CDK2AP1: variants seen among roughly 807,000 people sequenced by gnomAD.
CDK2AP1 encodes the protein cyclin-dependent kinase 2-associated protein 1.
In CDK2AP1, 10 loss-of-function variants were observed where a neutral mutation model predicts 14.1. That is an observed-to-expected ratio of 0.71 (90% CI 0.44 to 1.20). The LOEUF is 1.20. Ranked by LOEUF, CDK2AP1 falls within the 50% of genes most tolerant of loss-of-function variation. The pLI is 0.00. For missense variants in CDK2AP1, 102 were observed against 149.9 expected (o/e 0.68, Z 1.67); for synonymous variants, 59 against 59.8 (o/e 0.99, Z 0.06).
intron 1 of CDK2AP1, chr12:123,270,300 C>T (rs1401059257): frequency 7.9e-6 from 3 of 380,282 alleles, no homozygotes; most frequent in South Asian, 1.1e-4. Flanking sequence ...TTCAACTCTC[C>T]CTCCGCACCC....
intron 3 of CDK2AP1, among the ~76,000 whole-genome samples, chr12:123,264,763 A>G (rs1428102672): frequency 6.6e-6 from 1 of 151,944 alleles, no homozygotes; most frequent in South Asian, 2.1e-4. Flanking sequence ...AGACCCACAC[A>G]CTTCCTTGGG....
intron 1 of CDK2AP1, among the ~76,000 whole-genome samples, chr12:123,268,517 C>T (rs780352661): frequency 2.0e-5 from 3 of 152,354 alleles, no homozygotes; most frequent in East Asian, 3.9e-4. Flanking sequence ...GAACGGGGAC[C>T]GTTCCGAGCT....
chr12:123,264,903 AC>A (rs890668819), intron 3 of CDK2AP1, among the ~76,000 whole-genome samples: 2 of 152,016 alleles, frequency 1.3e-5, no homozygotes, highest in African/African-American at 4.8e-5. Flanking sequence ...CACTTCGAAC[AC>A]ACCCTTGAAA....
chr12:123,262,051 G>GCAC, intron 3 of CDK2AP1: 1 of 397,270 alleles, frequency 2.5e-6, no homozygotes, highest in Non-Finnish European at 4.5e-6. Context: ...CATTCAAGGT[G>GCAC]CACCAGCAAG....
chr12:123,266,822 G>C (rs908969943), intron 2 of CDK2AP1, among the ~76,000 whole-genome samples: 2 of 152,240 alleles, frequency 1.3e-5, no homozygotes, highest in Non-Finnish European at 2.9e-5. Flanking sequence ...AGTGGGAACT[G>C]ACCCTATCTT....
chr12:123,266,256 C>A (rs549178190), intron 2 of CDK2AP1, among the ~76,000 whole-genome samples: 1 of 152,246 alleles, frequency 6.6e-6, no homozygotes, highest in African/African-American at 2.4e-5. Context: ...CCAGGCCTCA[C>A]GGGCCTCCCG....
rs1433223782 is a variant in CDK2AP1 at position 123,265,673 on chromosome 12, T to G, written c.154-351A>C. The stretch of plus-strand genomic sequence containing the variant: ...CCCATTCTAGGGGACAACTACAAGT[T>G]AGGGAGATGGTCCTCACCCTCCTAT... On this transcript the variant is annotated intron_variant, in intron 2 of 3. Transcript: ENST00000261692. This position sits in a 1 kb window ranked among gnomAD's most constrained non-coding sequence, Gnocchi z 5.3. Among the ~76,000 whole-genome samples the G allele has an allele frequency of 6.6e-6, 1 of 151,962 alleles. No individual in the cohort carries two copies. Among genetic ancestry groups the G allele is most frequent in the Non-Finnish European group, 1.5e-5 (1 of 67,964 alleles).
chr12:123,266,325 C>T (rs1284649712), intron 2 of CDK2AP1, among the ~76,000 whole-genome samples: 1 of 152,266 alleles, frequency 6.6e-6, no homozygotes, highest in Non-Finnish European at 1.5e-5. Context: ...CCCGGCTGCC[C>T]CTCTGCCTGG....
chr12:123,268,556 T>A (rs1018955991), intron 1 of CDK2AP1, among the ~76,000 whole-genome samples: 1 of 152,244 alleles, frequency 6.6e-6, no homozygotes, highest in African/African-American at 2.4e-5. Context: ...CAGCCCTGGA[T>A]GCTGCCACTG....
chr12:123,271,710 C>T lies in CDK2AP1; in HGVS notation c.-92G>A, dbSNP rs2048355222. 5.4e-6 allele frequency: 2 copies of T among 373,372 alleles called. No individual in the cohort carries two copies. Among genetic ancestry groups the T allele is most frequent in the Non-Finnish European group, 7.3e-6 (2 of 273,806 alleles). The allele number at this position is 373,372 out of a possible 1,614,324, so 23.1% of individuals were successfully genotyped here. A position where few individuals can be genotyped will look rare whatever the true frequency, so the allele number is the denominator to read the frequency against. ...AGGCCGGGCGGTAGCGCTGCAGCCC[C>T]GCGCCCGTCCGAGCGCCCGCCGAGC... On this transcript the variant is annotated 5_prime_UTR_variant, in exon 1 of 4. Coordinates refer to ENST00000261692, the MANE Select transcript of CDK2AP1 (RefSeq NM_004642.4).
intron 1 of CDK2AP1, among the ~76,000 whole-genome samples, chr12:123,269,445 C>A (rs529530360): frequency 6.6e-6 from 1 of 152,340 alleles, no homozygotes; most frequent in East Asian, 1.9e-4. Flanking sequence ...GGAAGGGCTC[C>A]GAGTTCCACT....
intron 1 of CDK2AP1, chr12:123,270,960 C>T: frequency 1.0e-6 from 1 of 984,930 alleles, no homozygotes; most frequent in Non-Finnish European, 1.2e-6. Flanking sequence ...CCCGGGCCTC[C>T]GAGTACGCTG....
Position 123,264,408 on chromosome 12 carries a change from C to T in CDK2AP1, c.280+788G>A, listed in dbSNP as rs1192774089. On this transcript the variant is annotated intron_variant, in intron 3 of 3. Transcript: ENST00000261692. Reference sequence around the variant, plus strand: ...CCAGGAGGCGGAGGTTGCGGTGAGCCGAGATTGCACCACTGCACTCCAGCC... The same window carrying T: ...CCAGGAGGCGGAGGTTGCGGTGAGCTGAGATTGCACCACTGCACTCCAGCC... Among the ~76,000 whole-genome samples, 5 of 142,572 alleles carry T rather than the reference C, an allele frequency of 3.5e-5. No individual in the cohort carries two copies. The East Asian group carries it at 6.1e-4, about 17-fold the overall frequency. The allele number at this position is 142,572 out of a possible 152,430, so 93.5% of individuals were successfully genotyped here. A position where few individuals can be genotyped will look rare whatever the true frequency, so the allele number is the denominator to read the frequency against.
At chr12:123,267,157 C>T (rs370061674) in intron 2 of CDK2AP1, 28 bp downstream of exon 2, 18 of 1,312,920 alleles carry the variant, frequency 1.4e-5, no homozygotes, top group Middle Eastern at 1.8e-4. Flanking sequence ...CTGGCCCTCC[C>T]ACCATGCCAT....
Position 123,264,516 on chromosome 12 carries a change from G to C in CDK2AP1, c.280+680C>G, listed in dbSNP as rs575951426. On this transcript the variant is annotated intron_variant, in intron 3 of 3. Transcript: ENST00000261692. ...AGAGCCCCAAGTCTCCCCTCATCTTGAATGCGTTCATGGGCTATGGCTCTG... is the reference window on the plus strand; with the variant it reads ...AGAGCCCCAAGTCTCCCCTCATCTTCAATGCGTTCATGGGCTATGGCTCTG... Among the ~76,000 whole-genome samples the C allele has an allele frequency of 2.2e-5, 3 of 133,836 alleles. No individual in the cohort carries two copies. The South Asian group carries it at 7.6e-4, about 34-fold the overall frequency. The allele number at this position is 133,836 out of a possible 152,430, so 87.8% of individuals were successfully genotyped here.
At chr12:123,269,516 C>A (rs540106020) in intron 1 of CDK2AP1, among the ~76,000 whole-genome samples, 39 of 152,366 alleles carry the variant, frequency 2.6e-4, no homozygotes, top group African/African-American at 8.7e-4. Flanking sequence ...CAGCGAAGGC[C>A]GTCTCGGCGC....
At chr12:123,269,722 T>C (rs985642161) in intron 1 of CDK2AP1, among the ~76,000 whole-genome samples, 15 of 152,092 alleles carry the variant, frequency 9.9e-5, no homozygotes, top group Non-Finnish European at 2.1e-4. Context: ...ACTCCGCCAC[T>C]GCCACCACCG....
At chr12:123,267,424 T>C (rs934834707) in intron 1 of CDK2AP1, 142 bp from the exon 2 acceptor site, 2 of 635,116 alleles carry the variant, frequency 3.1e-6, no homozygotes, top group African/African-American at 3.6e-5. Flanking sequence ...CACCTCCGGT[T>C]TGACCAGCAT....
chr12:123,266,348 A>G (rs1402275), intron 2 of CDK2AP1, among the ~76,000 whole-genome samples: 97,284 of 152,222 alleles, frequency 0.64, 35,542 homozygotes, highest in East Asian at 1. Context: ...TCCCACAGCC[A>G]CCGCTTCTTC....
Sources: allele counts gnomAD v4.1 joint callset (sites outside exome capture counted in the v4.1 genomes callset), GRCh38; gene constraint gnomAD v4.1.1; non-coding constraint Gnocchi (gnomAD v3.1); transcripts MANE v1.5; gene names NCBI Gene and HGNC (gene_info 2026-07-23, HGNC 2026-07-21).